The following TCF12 variants were observed in gnomAD, a reference collection of about 807,000 sequenced individuals.
TCF12 encodes the protein transcription factor 12, also known as DNA-binding protein HTF4.
Under a neutral mutation model 86.0 loss-of-function variants are expected in TCF12, and 45 were observed. The ratio of observed to expected loss-of-function variants is 0.52; its 90% CI spans 0.41 to 0.67. TCF12 has a LOEUF of 0.67. Among genes scored for constraint, TCF12 ranks in the 30% least tolerant of loss-of-function variants. TCF12 has a pLI of 0.00. For synonymous variants in TCF12, 330 were observed against 299.6 expected, an observed-to-expected ratio of 1.10 and a Z score of -1.05; for missense variants, 881 against 859.9, an observed-to-expected ratio of 1.02 and a Z score of -0.31.
At chr15:57,154,122 C>G (rs185448462) in intron 5 of TCF12, among the ~76,000 whole-genome samples, 5 of 152,072 alleles carry the variant, frequency 3.3e-5, no homozygotes, top group Admixed American at 2.0e-4. Context: ...TAATATAATG[C>G]AAATTTTCAA....
chr15:57,278,753 C>G (rs2061534277), intron 19 of TCF12: 4 of 128,070 alleles, frequency 3.1e-5, no homozygotes, highest in Admixed American at 3.1e-4. Context: ...CCCTCCCTCT[C>G]TCTCCCTCTC....
In TCF12 at chr15:57,166,411, C is replaced by T; in HGVS notation, c.335C>T (p.Ser112Leu). ...TTTCTTTGTTTTATAGGAAAAACATCAGAGAGAGGCTCATTTTCCCTGTAC... is the reference window on the plus strand; with the variant it reads ...TTTCTTTGTTTTATAGGAAAAACATTAGAGAGAGGCTCATTTTCCCTGTAC... ...FMNSNLMGKT[S>L]ERGSFSLYSR... Residue 112 changes from serine to leucine, a missense_variant, in exon 6 of 21, where the codon TCA becomes TTA. Physicochemically the swap from Ser to Leu is moderately radical, Grantham distance 145. Around this residue, in one of 3 missense-constraint regions of TCF12, gnomAD observed 766 missense variants for 718.9 expected, o/e 1.07. Transcript: ENST00000333725. 2 of 1,611,374 alleles carry T rather than the reference C, an allele frequency of 1.2e-6. No individual in the cohort carries two copies. The highest frequency in any genetic ancestry group is 1.7e-6 in the Non-Finnish European group (2 of 1,178,926).
At chr15:57,252,378 C>G in intron 14 of TCF12, 43 bp from the exon 15 acceptor site, 1 of 1,526,866 alleles carries the variant, frequency 6.5e-7, no homozygotes, top group Non-Finnish European at 9.1e-7. Context: ...TGGAGTTAAT[C>G]TTAACCTGTG....
chr15:57,131,724 A>C (rs1355991594), intron 5 of TCF12, among the ~76,000 whole-genome samples: 1 of 152,212 alleles, frequency 6.6e-6, no homozygotes, highest in Non-Finnish European at 1.5e-5. Context: ...GTCAGGCCAC[A>C]AAGGGAGATT....
At chr15:57,050,497 T>G (rs1596303124) in intron 3 of TCF12, among the ~76,000 whole-genome samples, 2 of 152,188 alleles carry the variant, frequency 1.3e-5, no homozygotes, top group Non-Finnish European at 2.9e-5. Flanking sequence ...GCGTTTGCAC[T>G]TTAACATTTT....
chr15:57,047,365 G>A (rs1485142262), intron 3 of TCF12, among the ~76,000 whole-genome samples: 1 of 152,180 alleles, frequency 6.6e-6, no homozygotes, highest in Non-Finnish European at 1.5e-5. Context: ...GTTCTGTTAA[G>A]TTACTGTCTT....
chr15:57,289,624 TCTGTGTGTGTGTGA>T lies in TCF12; in HGVS notation c.*3482_*3495del, dbSNP rs1390928761. ...CGTCGTGTGTGTGTGTGTGTGTGTG[TCTGTGTGTGTGTGA>T]CTTAAAGAATCTTAAGCTTTGGCAT... On this transcript the variant is annotated 3_prime_UTR_variant, in exon 21 of 21. Coordinates refer to ENST00000333725, the MANE Select transcript of TCF12 (RefSeq NM_207037.2). 6.6e-6 allele frequency: 1 copy of T among 151,482 alleles called. No homozygotes were observed. The highest frequency in any genetic ancestry group is 2.4e-5 in the African/African-American group (1 of 41,138). The allele number at this position is 151,482 out of a possible 1,614,324, so 9.4% of individuals were successfully genotyped here. A position where few individuals can be genotyped will look rare whatever the true frequency, so the allele number is the denominator to read the frequency against.
At chr15:56,974,639 C>T (rs1464002749) in intron 3 of TCF12, among the ~76,000 whole-genome samples, 1 of 151,978 alleles carries the variant, frequency 6.6e-6, no homozygotes, top group African/African-American at 2.4e-5. Flanking sequence ...TTAATATTTA[C>T]AGCAATCCTA....
chr15:56,921,242 A>G (rs896296277), intron 3 of TCF12, 144 bp downstream of exon 3: 2 of 486,282 alleles, frequency 4.1e-6, no homozygotes, highest in Non-Finnish European at 3.2e-6. Flanking sequence ...AGTAAGATTT[A>G]TTAATTTTAA....
At chr15:57,109,854 T>C (rs2050373889) in intron 5 of TCF12, among the ~76,000 whole-genome samples, 1 of 152,226 alleles carries the variant, frequency 6.6e-6, no homozygotes, top group Non-Finnish European at 1.5e-5. Context: ...GATTTCCTCC[T>C]TAATGCAAAT....
At chr15:57,137,382 G>C (rs765105053) in intron 5 of TCF12, among the ~76,000 whole-genome samples, 3 of 152,136 alleles carry the variant, frequency 2.0e-5, no homozygotes, top group Non-Finnish European at 4.4e-5. Context: ...ATGTATTAAT[G>C]AATAATGAAA....
intron 12 of TCF12, among the ~76,000 whole-genome samples, chr15:57,240,688 C>T (rs970766858): frequency 2.0e-5 from 3 of 151,850 alleles, no homozygotes; most frequent in African/African-American, 7.3e-5. Flanking sequence ...TCAAGACCAG[C>T]CTGGGCAACA....
At chr15:57,165,134 CTG>C (rs10651646) in intron 5 of TCF12, among the ~76,000 whole-genome samples, 37,556 of 147,088 alleles carry the variant, frequency 0.26, 5,501 homozygotes, top group African/African-American at 0.42. Flanking sequence ...GAATGTATGT[CTG>C]TGTGTGTGTG....
intron 20 of TCF12, among the ~76,000 whole-genome samples, chr15:57,285,218 T>C (rs2061882375): frequency 6.6e-6 from 1 of 152,240 alleles, no homozygotes; most frequent in South Asian, 2.1e-4. Flanking sequence ...TTTGCCATCC[T>C]GTAATGTAGG....
chr15:57,204,442 C>G (rs1260989430), intron 8 of TCF12, among the ~76,000 whole-genome samples: 1 of 151,374 alleles, frequency 6.6e-6, no homozygotes, highest in East Asian at 1.9e-4. Flanking sequence ...GGTGACAGAG[C>G]CAAGACTCTG....
intron 3 of TCF12, among the ~76,000 whole-genome samples, chr15:57,038,629 G>A (rs1373329566): frequency 1.3e-5 from 2 of 152,028 alleles, no homozygotes; most frequent in East Asian, 1.9e-4. Context: ...CATTTAATTA[G>A]GAGAGGATAA....
chr15:57,259,356 C>A (rs1258172872), intron 16 of TCF12, among the ~76,000 whole-genome samples: 1 of 152,176 alleles, frequency 6.6e-6, no homozygotes, highest in Non-Finnish European at 1.5e-5. Context: ...TAATTTAAAT[C>A]ATTAGTATTC....
At position 57,074,069 on chromosome 15, in the gene TCF12, G is replaced by A. The variant is rs531750485; in HGVS notation, c.222+10246G>A. On this transcript the variant is annotated intron_variant, in intron 4 of 20. Coordinates refer to ENST00000333725, the MANE Select transcript of TCF12 (RefSeq NM_207037.2). ...CCGGCCTTAGAAGTTTCAGGATAAC[G>A]GTACTGCCATCTTACTTCTTATAAA... 4.0e-5 allele frequency among the ~76,000 whole-genome samples: 6 copies of A among 151,896 alleles called. No individual in the cohort carries two copies. The South Asian group carries it at 8.3e-4, about 21-fold the overall frequency.
At chr15:57,172,616 G>A (rs2055594105) in intron 6 of TCF12, among the ~76,000 whole-genome samples, 1 of 152,090 alleles carries the variant, frequency 6.6e-6, no homozygotes, top group African/African-American at 2.4e-5. Flanking sequence ...TGTAGACACG[G>A]GGGCCTCCTT....
Sources: gnomAD v4.1 joint callset for allele counts (sites outside exome capture counted in the v4.1 genomes callset) on GRCh38, gnomAD v4.1.1 for gene constraint, gnomAD v4.1.1 regional missense constraint, MANE v1.5 for transcripts, NCBI Gene and HGNC (gene_info 2026-07-23, HGNC 2026-07-21) for gene names.